Variants in GRIP1 observed in about 807,000 individuals in gnomAD.
GRIP1 encodes the protein glutamate receptor-interacting protein 1.
GRIP1 carries 45 observed loss-of-function variants against 129.9 expected under a neutral mutation model. The ratio of observed to expected loss-of-function variants is 0.35; its 90% CI spans 0.27 to 0.44. The LOEUF is 0.44. Among genes scored for constraint, GRIP1 ranks in the 20% least tolerant of loss-of-function variants. The pLI is 1.00. For synonymous variants in GRIP1, 530 were observed against 520.8 expected, an observed-to-expected ratio of 1.02 and a Z score of -0.24; for missense variants, 1,196 against 1,396.8, an observed-to-expected ratio of 0.86 and a Z score of 2.29.
At chr12:66,359,645 A>G (rs1265111672) in intron 23 of GRIP1, among the ~76,000 whole-genome samples, 2 of 152,236 alleles carry the variant, frequency 1.3e-5, no homozygotes, top group Non-Finnish European at 2.9e-5. Flanking sequence ...TCTAAAAGTA[A>G]TCTATTTCTC....
At chr12:66,724,554 G>A (rs138388860) in intron 1 of GRIP1, among the ~76,000 whole-genome samples, 26 of 152,208 alleles carry the variant, frequency 1.7e-4, no homozygotes, top group Non-Finnish European at 3.5e-4. Context: ...TCAGTGAGGG[G>A]GCTTTGCTTA....
intron 19 of GRIP1, among the ~76,000 whole-genome samples, chr12:66,380,777 A>T (rs1023459086): frequency 7.2e-5 from 11 of 152,288 alleles, no homozygotes; most frequent in African/African-American, 2.6e-4. Context: ...CTGATTCCAT[A>T]GCTTGTGCTG....
intron 7 of GRIP1, among the ~76,000 whole-genome samples, chr12:66,474,408 G>T (rs1204796996): frequency 6.6e-6 from 1 of 152,098 alleles, no homozygotes; most frequent in Non-Finnish European, 1.5e-5. Context: ...CACTCTTCAG[G>T]ATATTATCCA....
intron 1 of GRIP1, among the ~76,000 whole-genome samples, chr12:66,692,815 A>C (rs1012323489): frequency 6.6e-6 from 1 of 152,212 alleles, no homozygotes; most frequent in Non-Finnish European, 1.5e-5. Flanking sequence ...GTTTGAATCT[A>C]GGAAATGAGC....
At chr12:66,686,049 C>T (rs933746165) in intron 1 of GRIP1, among the ~76,000 whole-genome samples, 5 of 152,074 alleles carry the variant, frequency 3.3e-5, no homozygotes, top group Non-Finnish European at 5.9e-5. Context: ...GAAAAGAGGA[C>T]GCTCATAAAT....
intron 1 of GRIP1, among the ~76,000 whole-genome samples, chr12:66,986,839 TA>T (rs2042319642): frequency 7.2e-6 from 1 of 138,226 alleles, no homozygotes; most frequent in Non-Finnish European, 1.5e-5. Context: ...AATAATAAAA[TA>T]AAATTTTTAA....
chr12:66,473,148 C>T (rs1826545), intron 7 of GRIP1, among the ~76,000 whole-genome samples: 1 of 151,916 alleles, frequency 6.6e-6, no homozygotes, highest in Non-Finnish European at 1.5e-5. Context: ...GGGGGAGGGG[C>T]GTCCCTCAAT....
rs770727593 is a variant in GRIP1, at chr12:66,750,444, T to A, written c.-420+53609A>T. 3.9e-5 allele frequency among the ~76,000 whole-genome samples: 6 copies of A among 152,144 alleles called. No homozygotes were observed. The East Asian group carries it at 1.2e-3, about 29-fold the overall frequency. On this transcript the variant is annotated intron_variant, in intron 1 of 4. Transcript: ENST00000538373. The stretch of plus-strand genomic sequence containing the variant: ...TGCTTGGTACCTGAGAGCCTCAATA[T>A]AGGGTGCCAGCTGTTTATATGAATT...
At position 66,915,698 on chromosome 12, in the gene GRIP1, T is replaced by C. The variant is rs558863903; in HGVS notation, c.58+153352A>G. ...AACAGGGTGGGGCCTATGTCTTGTA[T>C]GCTGGGCAATGAACTTGTGAGGCCT... On this transcript the variant is annotated intron_variant, in intron 1 of 1. Coordinates refer to the GRIP1 transcript ENST00000643019. Among the ~76,000 whole-genome samples the C allele has an allele frequency of 3.3e-5, 5 of 152,368 alleles. No homozygotes were observed. In the South Asian group the frequency reaches 8.3e-4, roughly 25 times the overall value.
chr12:66,550,096 G>A (rs1304721367), intron 2 of GRIP1, among the ~76,000 whole-genome samples: 3 of 152,104 alleles, frequency 2.0e-5, no homozygotes, highest in Non-Finnish European at 4.4e-5. Context: ...ATGGCAATAC[G>A]AGAATTGTTC....
At chr12:66,509,797 C>T (rs939496124) in intron 7 of GRIP1, among the ~76,000 whole-genome samples, 13 of 151,998 alleles carry the variant, frequency 8.6e-5, no homozygotes, top group East Asian at 3.9e-4. Context: ...GGGCCTGTCA[C>T]GGGGGCAGGG....
chr12:66,580,440 C>A (rs2139603593), intron 2 of GRIP1, among the ~76,000 whole-genome samples: 1 of 152,094 alleles, frequency 6.6e-6, no homozygotes, highest in South Asian at 2.1e-4. Flanking sequence ...ACTAAATGCT[C>A]CAATTAAAAG....
chr12:66,649,683 T>C (rs923271951), intron 1 of GRIP1, among the ~76,000 whole-genome samples: 6 of 152,172 alleles, frequency 3.9e-5, no homozygotes, highest in African/African-American at 7.2e-5. Flanking sequence ...TTCTGTTTGA[T>C]GGAAATTGGT....
At chr12:66,973,392 T>C (rs80282120) in intron 1 of GRIP1, among the ~76,000 whole-genome samples, 1 of 150,158 alleles carries the variant, frequency 6.7e-6, no homozygotes, top group African/African-American at 2.4e-5. Context: ...TTTTTTTTTT[T>C]TTTTGAAGGA....
At chr12:67,064,704 T>C (rs2043591808) in intron 1 of GRIP1, among the ~76,000 whole-genome samples, 2 of 152,208 alleles carry the variant, frequency 1.3e-5, no homozygotes, top group Non-Finnish European at 2.9e-5. Context: ...CAGGCCAAGT[T>C]TGTAGTAAAG....
At chr12:66,915,685 CCTATGT>C (rs2041109265) in intron 1 of GRIP1, among the ~76,000 whole-genome samples, 1 of 152,174 alleles carries the variant, frequency 6.6e-6, no homozygotes. Context: ...CAGGGTGGGG[CCTATGT>C]CTTGTATGCT....
chr12:66,982,348 C>T (rs558730989), intron 1 of GRIP1, among the ~76,000 whole-genome samples: 1 of 152,266 alleles, frequency 6.6e-6, no homozygotes, highest in Admixed American at 6.5e-5. Flanking sequence ...TCTTAATGTT[C>T]CCCACCTCCT....
At chr12:66,526,371 G>A (rs1195661326) in intron 5 of GRIP1, among the ~76,000 whole-genome samples, 1 of 152,142 alleles carries the variant, frequency 6.6e-6, no homozygotes, top group Non-Finnish European at 1.5e-5. Flanking sequence ...CAGAAATAAT[G>A]CTGCATGTCT....
intron 1 of GRIP1, among the ~76,000 whole-genome samples, chr12:66,988,994 C>T (rs2042355350): frequency 6.7e-6 from 1 of 148,530 alleles, no homozygotes; most frequent in Non-Finnish European, 1.5e-5. Flanking sequence ...TTCTTAATTA[C>T]CACCTGCTGA....
Sources: allele counts gnomAD v4.1 joint callset (sites outside exome capture counted in the v4.1 genomes callset), GRCh38; gene constraint gnomAD v4.1.1; transcripts MANE v1.5; gene names NCBI Gene and HGNC (gene_info 2026-07-23, HGNC 2026-07-21).